TRPC4AP: variants seen among roughly 807,000 people sequenced by gnomAD.
TRPC4AP encodes the protein transient receptor potential cation channel subfamily C member 4 associated protein, also known as short transient receptor potential channel 4-associated protein.
A neutral mutation model predicts 99.0 loss-of-function variants in TRPC4AP; 45 were observed. That is an observed-to-expected ratio of 0.45 (90% CI 0.36 to 0.58). The LOEUF (loss-of-function observed/expected upper bound fraction) is 0.58, where lower values mean the gene tolerates loss of function less well. Among genes scored for constraint, TRPC4AP ranks in the 20% least tolerant of loss-of-function variants. The probability of loss-of-function intolerance (pLI) is 0.00; values close to 1 mark genes in which losing one functional copy is unlikely to be tolerated. For synonymous variants in TRPC4AP, 408 were observed against 385.8 expected (o/e 1.06, Z -0.67); for missense variants, 879 against 985.3 (o/e 0.89, Z 1.44).
Position 35,092,686 on chromosome 20 carries a change from C to T in TRPC4AP, c.96G>A (p.Pro32=), listed in dbSNP as rs1212852656. The part of the protein sequence containing the change: ...VAAWGGWGGR[P]RPGNILLQLR... ...GCTGCAGCAGAATGTTACCAGGCCG[C>T]GGCCGGCCGCCCCATCCGCCCCAAG... is the stretch of plus-strand genomic sequence containing the variant. The change falls in exon 1 of 19, where the codon CCG becomes CCA. Residue 32 remains proline, a synonymous_variant. Coordinates refer to ENST00000252015, the MANE Select transcript of TRPC4AP (RefSeq NM_015638.3). 9 of 1,532,388 alleles carry T rather than the reference C, an allele frequency of 5.9e-6. 1 individual carries two copies. The Middle Eastern group carries it at 8.6e-4, about 147-fold the overall frequency. 94.9% of individuals were successfully genotyped at this position (1,532,388 alleles called of 1,614,324 possible).
At chr20:35,087,475 T>C (rs1569159178) in intron 1 of TRPC4AP, among the ~76,000 whole-genome samples, 1 of 152,092 alleles carries the variant, frequency 6.6e-6, no homozygotes, top group East Asian at 1.9e-4. Flanking sequence ...CACAACCCAG[T>C]CTGTCACCAG....
intron 17 of TRPC4AP, 34 bp downstream of exon 17, chr20:35,004,424 C>T: frequency 2.5e-6 from 4 of 1,580,036 alleles, no homozygotes; most frequent in Non-Finnish European, 3.5e-6. Flanking sequence ...TTCCAATCGA[C>T]CTTCCCTGCT....
intron 2 of TRPC4AP, among the ~76,000 whole-genome samples, chr20:35,072,872 G>A (rs1419462781): frequency 6.6e-6 from 1 of 152,166 alleles, no homozygotes; most frequent in Non-Finnish European, 1.5e-5. Context: ...ATTACCTCGG[G>A]CAATATGGCC....
chr20:35,020,456 T>A (rs2082858939), intron 9 of TRPC4AP, among the ~76,000 whole-genome samples: 1 of 151,984 alleles, frequency 6.6e-6, no homozygotes, highest in Admixed American at 6.6e-5. Context: ...CACTGCCCCC[T>A]CCCACCTGGT....
intron 8 of TRPC4AP, among the ~76,000 whole-genome samples, chr20:35,032,502 C>G (rs1443943746): frequency 7.5e-6 from 1 of 132,660 alleles, no homozygotes; most frequent in African/African-American, 2.8e-5. Flanking sequence ...GACAGAGTCT[C>G]GCACTGTCGC....
intron 4 of TRPC4AP, among the ~76,000 whole-genome samples, chr20:35,055,799 A>G (rs897019697): frequency 6.6e-6 from 1 of 152,210 alleles, no homozygotes; most frequent in South Asian, 2.1e-4. Flanking sequence ...TGTTGCTGTT[A>G]TCTGTGTTGG....
chr20:35,040,782 T>C (rs1246140933), intron 7 of TRPC4AP, among the ~76,000 whole-genome samples: 3 of 152,146 alleles, frequency 2.0e-5, no homozygotes, highest in African/African-American at 4.8e-5. Context: ...TTGTCGCAGA[T>C]GGCTTATCAT....
intron 2 of TRPC4AP, among the ~76,000 whole-genome samples, chr20:35,070,688 G>A (rs2084286769): frequency 6.6e-6 from 1 of 152,176 alleles, no homozygotes; most frequent in Admixed American, 6.5e-5. Flanking sequence ...GTGAGTCACT[G>A]CGCCCGGCCA....
At chr20:35,086,531 G>GTATATATATATGTGTATATATATA (rs1256974718) in intron 1 of TRPC4AP, among the ~76,000 whole-genome samples, 1 of 28,504 alleles carries the variant, frequency 3.5e-5, no homozygotes, top group East Asian at 8.2e-4. Context: ...ATATATGTGT[G>GTATATATATATGTGTATATATATA]TGTGTGTGTG....
At chr20:35,014,428 G>A (rs1461085958) in intron 10 of TRPC4AP, among the ~76,000 whole-genome samples, 1 of 149,166 alleles carries the variant, frequency 6.7e-6, no homozygotes, top group Non-Finnish European at 1.5e-5. Context: ...AGCAATTCTG[G>A]TGGCCGCTCC....
chr20:35,052,038 C>T (rs1387110846), intron 5 of TRPC4AP, among the ~76,000 whole-genome samples: 3 of 151,646 alleles, frequency 2.0e-5, no homozygotes, highest in Non-Finnish European at 4.4e-5. Flanking sequence ...AGGTTGTATG[C>T]AACTACATTT....
At chr20:35,011,758 C>T (rs2082642726) in intron 11 of TRPC4AP, among the ~76,000 whole-genome samples, 1 of 152,194 alleles carries the variant, frequency 6.6e-6, no homozygotes, top group East Asian at 1.9e-4. Flanking sequence ...GAACACACAC[C>T]CTCTCACATG....
intron 7 of TRPC4AP, among the ~76,000 whole-genome samples, chr20:35,039,030 G>A (rs1343257587): frequency 2.0e-5 from 3 of 152,170 alleles, no homozygotes; most frequent in Non-Finnish European, 4.4e-5. Context: ...CCAAGATTGT[G>A]CCACTACACT....
chr20:35,034,354 T>TA (rs2083268766), intron 8 of TRPC4AP, among the ~76,000 whole-genome samples: 1 of 151,940 alleles, frequency 6.6e-6, no homozygotes, highest in Non-Finnish European at 1.5e-5. Context: ...AAAACCTCTG[T>TA]ACATGAGCAA....
At position 35,002,477 on chromosome 20, in the gene TRPC4AP, AG is replaced by A; in HGVS notation, c.*668del. ...TTGCTGTTAATAAATTGGCAACACA[AG>A]GAAGGGCCCCATGTCCAGGCTCAGG... is the stretch of plus-strand genomic sequence containing the variant. On this transcript the variant is annotated 3_prime_UTR_variant, in exon 19 of 19. Coordinates refer to ENST00000252015, the MANE Select transcript of TRPC4AP (RefSeq NM_015638.3). The A allele has an allele frequency of 3.1e-6, 1 of 319,034 alleles. No individual in the cohort carries two copies. Among genetic ancestry groups the A allele is most frequent in the Non-Finnish European group, 5.7e-6 (1 of 176,210 alleles). The allele number at this position is 319,034 out of a possible 1,614,324, so 19.8% of individuals were successfully genotyped here.
rs371142306 is a variant in TRPC4AP, at chr20:35,057,569, A to G, written c.417T>C (p.Leu139=). ...YIFDLFGGVD[L]LVEILMRPTI... ...TAGGCCTCATAAGAATTTCTACAAG[A>G]AGCTATAAAAAAAATTAGATAAAAT... Residue 139 remains leucine, a splice_region_variant and synonymous_variant, in exon 4 of 19, where the codon CTT becomes CTC. Coordinates refer to ENST00000252015, the MANE Select transcript of TRPC4AP (RefSeq NM_015638.3). 91 of 1,607,188 alleles carry G rather than the reference A, an allele frequency of 5.7e-5. No homozygotes were observed. In the Admixed American group the frequency reaches 1.3e-3, roughly 23 times the overall value.
intron 1 of TRPC4AP, among the ~76,000 whole-genome samples, chr20:35,083,205 T>G: frequency 6.6e-6 from 1 of 152,196 alleles, no homozygotes; most frequent in Non-Finnish European, 1.5e-5. Context: ...ACAGCTACAA[T>G]TTTTAAATGC....
intron 1 of TRPC4AP, among the ~76,000 whole-genome samples, chr20:35,086,246 A>C (rs1217768591): frequency 2.6e-5 from 4 of 152,086 alleles, no homozygotes; most frequent in Admixed American, 1.3e-4. Flanking sequence ...GGTGTGAGCC[A>C]CCGCACCCAG....
intron 1 of TRPC4AP, among the ~76,000 whole-genome samples, chr20:35,079,408 A>T (rs961896422): frequency 1.3e-5 from 2 of 152,240 alleles, no homozygotes; most frequent in Admixed American, 6.5e-5. Flanking sequence ...CCAGAAGTGT[A>T]TATCACTGAA....
Sources: gnomAD v4.1 joint callset for allele counts (sites outside exome capture counted in the v4.1 genomes callset) on GRCh38, gnomAD v4.1.1 for gene constraint, MANE v1.5 for transcripts, NCBI Gene and HGNC (gene_info 2026-07-23, HGNC 2026-07-21) for gene names.